Variants in OPCML observed in about 807,000 individuals in gnomAD.
OPCML encodes the protein opioid-binding protein/cell adhesion molecule.
OPCML carries 13 observed loss-of-function variants against 37.8 expected under a neutral mutation model. That is an observed-to-expected ratio of 0.34 (90% CI 0.22 to 0.55). OPCML has a LOEUF of 0.55. Among genes scored for constraint, OPCML ranks in the 20% least tolerant of loss-of-function variants. The pLI, the probability that OPCML is intolerant of heterozygous loss-of-function variation, is 0.91. For missense variants in OPCML, 341 were observed against 435.6 expected, an observed-to-expected ratio of 0.78 and a Z score of 1.93; for synonymous variants, 176 against 168.8, an observed-to-expected ratio of 1.04 and a Z score of -0.33.
At chr11:133,419,199 C>T in intron 1 of OPCML, 9 of 979,532 alleles carry the variant, frequency 9.2e-6, no homozygotes, top group Non-Finnish European at 1.1e-5. Context: ...TTTTTCTGTG[C>T]AACGGGCCAG....
intron 1 of OPCML, among the ~76,000 whole-genome samples, chr11:133,099,531 C>T (rs1220552778): frequency 6.6e-6 from 1 of 150,846 alleles, no homozygotes; most frequent in Non-Finnish European, 1.5e-5. Context: ...TTGTGATTCA[C>T]CCACCTTGGG....
At chr11:132,582,782 CA>C (rs1489862024) in intron 3 of OPCML, among the ~76,000 whole-genome samples, 8 of 149,306 alleles carry the variant, frequency 5.4e-5, no homozygotes, top group African/African-American at 2.0e-4. Flanking sequence ...ATGCAGGCAG[CA>C]AAACGAATCA....
chr11:133,397,407 G>A (rs962267215), intron 1 of OPCML, among the ~76,000 whole-genome samples: 2 of 152,274 alleles, frequency 1.3e-5, no homozygotes, highest in South Asian at 2.1e-4. Context: ...ATAGAGAGAC[G>A]AACAGATAGA....
chr11:132,931,222 A>T (rs538474684), intron 2 of OPCML, among the ~76,000 whole-genome samples: 3 of 152,142 alleles, frequency 2.0e-5, no homozygotes, highest in Non-Finnish European at 4.4e-5. Context: ...AAATTTTAAG[A>T]TAGGAAAAAA....
Position 133,485,601 on chromosome 11 carries a change from G to C in OPCML, c.61+46663C>G, listed in dbSNP as rs149684931. Among the ~76,000 whole-genome samples the C allele has an allele frequency of 3.9e-3, 598 of 152,228 alleles. 6 individuals are homozygous for C. Among genetic ancestry groups the C allele is most frequent in the African/African-American group, 0.014 (566 of 41,556 alleles). On this transcript the variant is annotated intron_variant, in intron 1 of 7. Transcript: ENST00000524381. ...TAACATTACAAGCAAACTGAAATAA[G>C]ACCTGCATTACCACATCAGAGCTTG...
intron 1 of OPCML, among the ~76,000 whole-genome samples, chr11:133,352,750 C>G (rs894996583): frequency 5.3e-5 from 8 of 152,132 alleles, no homozygotes; most frequent in African/African-American, 1.9e-4. Context: ...GAGAGCTAGA[C>G]TAGTAAAAAT....
At chr11:132,871,173 G>A (rs1375488466) in intron 2 of OPCML, among the ~76,000 whole-genome samples, 2 of 149,968 alleles carry the variant, frequency 1.3e-5, no homozygotes, top group Non-Finnish European at 3.0e-5. Flanking sequence ...AGATAAATAT[G>A]TACATGTTCA....
chr11:132,702,950 T>C (rs1218084917), intron 2 of OPCML, among the ~76,000 whole-genome samples: 1 of 152,182 alleles, frequency 6.6e-6, no homozygotes, highest in Non-Finnish European at 1.5e-5. Context: ...TTTGTTCATG[T>C]AGTGTTTTCC....
chr11:133,196,726 G>A (rs900784176), intron 1 of OPCML, among the ~76,000 whole-genome samples: 1 of 152,184 alleles, frequency 6.6e-6, no homozygotes, highest in African/African-American at 2.4e-5. Flanking sequence ...GCTACAGCAA[G>A]TCAAAGAAAG....
At chr11:133,240,329 A>C (rs948027085) in intron 1 of OPCML, among the ~76,000 whole-genome samples, 1 of 151,914 alleles carries the variant, frequency 6.6e-6, no homozygotes, top group Non-Finnish European at 1.5e-5. Flanking sequence ...ACTATGCTTA[A>C]TTTCTGTCCA....
chr11:132,470,500 C>T (rs2508940), intron 4 of OPCML, among the ~76,000 whole-genome samples: 63,809 of 152,022 alleles, frequency 0.42, 15,105 homozygotes, highest in East Asian at 0.8. Context: ...TTTGAGATAT[C>T]TACTAGACAC....
intron 4 of OPCML, among the ~76,000 whole-genome samples, chr11:132,464,988 T>A (rs901475293): frequency 1.3e-5 from 2 of 152,232 alleles, no homozygotes; most frequent in African/African-American, 4.8e-5. Context: ...TACATATCGA[T>A]CTTTTTTATT....
At chr11:133,463,396 A>T (rs2136990264) in intron 1 of OPCML, among the ~76,000 whole-genome samples, 1 of 152,232 alleles carries the variant, frequency 6.6e-6, no homozygotes, top group South Asian at 2.1e-4. Flanking sequence ...TTACAATGGT[A>T]AATTTTGTTA....
chr11:132,629,568 T>TAACC (rs1939968531), intron 3 of OPCML, among the ~76,000 whole-genome samples: 1 of 152,196 alleles, frequency 6.6e-6, no homozygotes, highest in African/African-American at 2.4e-5. Flanking sequence ...TACTGTTACA[T>TAACC]AACCACTGTC....
intron 1 of OPCML, among the ~76,000 whole-genome samples, chr11:133,081,659 G>A (rs1948718636): frequency 6.6e-6 from 1 of 152,128 alleles, no homozygotes; most frequent in Admixed American, 6.5e-5. Context: ...CCTGCTCTAG[G>A]GGGATCCTGC....
At chr11:132,853,840 C>T (rs934728980) in intron 2 of OPCML, among the ~76,000 whole-genome samples, 1 of 152,230 alleles carries the variant, frequency 6.6e-6, no homozygotes, top group African/African-American at 2.4e-5. Context: ...ACATTCAAGA[C>T]TTAATACTTC....
chr11:132,475,158 T>G (rs1436960921), intron 4 of OPCML, among the ~76,000 whole-genome samples: 1 of 152,090 alleles, frequency 6.6e-6, no homozygotes, highest in Non-Finnish European at 1.5e-5. Flanking sequence ...ATGAAAGCCC[T>G]CCAAATACAT....
intron 1 of OPCML, among the ~76,000 whole-genome samples, chr11:133,382,472 G>T (rs1250146991): frequency 6.6e-6 from 1 of 152,116 alleles, no homozygotes; most frequent in Non-Finnish European, 1.5e-5. Flanking sequence ...ACCCCAGATG[G>T]CCTGAAGACA....
At chr11:133,401,326 T>C (rs577675762) in intron 1 of OPCML, among the ~76,000 whole-genome samples, 35 of 152,326 alleles carry the variant, frequency 2.3e-4, no homozygotes, top group African/African-American at 7.9e-4. Context: ...AAAATCCATA[T>C]GTATTTTCTG....
Sources: allele counts gnomAD v4.1 joint callset (sites outside exome capture counted in the v4.1 genomes callset), GRCh38; gene constraint gnomAD v4.1.1; transcripts MANE v1.5; gene names NCBI Gene and HGNC (gene_info 2026-07-23, HGNC 2026-07-21).